The following HNF4A variants were observed in gnomAD, a reference collection of about 807,000 sequenced individuals.
HNF4A encodes hepatocyte nuclear factor 4 alpha, also known as hepatocyte nuclear factor 4-alpha.
In HNF4A, 15 loss-of-function variants were observed where a neutral mutation model predicts 52.4. The observed-to-expected ratio is 0.29, with a 90% CI of 0.19 to 0.44. The LOEUF (loss-of-function observed/expected upper bound fraction) is 0.44, where lower values mean the gene tolerates loss of function less well. Ranked by LOEUF, HNF4A falls within the 20% of genes least tolerant of loss-of-function variation. The probability of loss-of-function intolerance (pLI) is 1.00; values close to 1 mark genes in which losing one functional copy is unlikely to be tolerated. For synonymous variants in HNF4A, 280 were observed against 264.4 expected (o/e 1.06, Z -0.57); for missense variants, 479 against 647.2 (o/e 0.74, Z 2.82).
chr20:44,418,285 GT>G, intron 5 of HNF4A, 139 bp from the exon 6 acceptor site: 1 of 772,590 alleles, frequency 1.3e-6, no homozygotes, highest in South Asian at 1.4e-5. Flanking sequence ...ATGGGTAGTA[GT>G]TTTATGATGC....
At chr20:44,358,291 G>C (rs1010047059) in intron 1 of HNF4A, among the ~76,000 whole-genome samples, 40 of 150,340 alleles carry the variant, frequency 2.7e-4, no homozygotes, top group African/African-American at 9.3e-4. Context: ...TCTGAGAAAA[G>C]AAACAAGTGC....
At position 44,367,335 on chromosome 20, in the gene HNF4A, C is replaced by CAA. The variant is rs1211796695; in HGVS notation, c.49+11499_49+11500dup. ...GGGCAACAAAAGCGAAACTCTGTCT[C>CAA]AAAAAAAAAAAAAAAAAATTAACTT... On this transcript the variant is annotated intron_variant, in intron 1 of 9. Coordinates refer to the HNF4A transcript ENST00000316673. Among the ~76,000 whole-genome samples, 449 of 80,458 alleles carry CAA rather than the reference C, an allele frequency of 5.6e-3. 4 individuals carry two copies. Among genetic ancestry groups the CAA allele is most frequent in the African/African-American group, 0.019 (423 of 22,084 alleles). The allele number at this position is 80,458 out of a possible 152,430, so 52.8% of individuals were successfully genotyped here. A position where few individuals can be genotyped will look rare whatever the true frequency, so the allele number is the denominator to read the frequency against.
intron 1 of HNF4A, among the ~76,000 whole-genome samples, chr20:44,393,312 G>A (rs1178857105): frequency 6.6e-6 from 1 of 152,246 alleles, no homozygotes; most frequent in Non-Finnish European, 1.5e-5. Flanking sequence ...GGCAGCCTGC[G>A]GAGAAGCTCC....
intron 1 of HNF4A, among the ~76,000 whole-genome samples, chr20:44,396,120 A>G (rs1180471513): frequency 6.6e-6 from 1 of 152,142 alleles, no homozygotes; most frequent in Non-Finnish European, 1.5e-5. Context: ...TAGAGGGGTG[A>G]AGCCCTCAAG....
At chr20:44,407,866 A>G (rs186142800) in intron 3 of HNF4A, among the ~76,000 whole-genome samples, 17 of 152,038 alleles carry the variant, frequency 1.1e-4, no homozygotes, top group East Asian at 1.9e-4. Flanking sequence ...CACTATCCCA[A>G]CTTTACAAAA....
Position 44,407,375 on chromosome 20 carries a change from C to T in HNF4A, c.291-6C>T. Reference sequence around the variant, plus strand: ...TCTCCATCCAACCATCCAAAGCCCTCCCCAGATTTAGCCGGCAGTGCGTGG... The same window carrying T: ...TCTCCATCCAACCATCCAAAGCCCTTCCCAGATTTAGCCGGCAGTGCGTGG... On this transcript the variant is annotated splice_region_variant and splice_polypyrimidine_tract_variant and intron_variant, in intron 2 of 9. Coordinates refer to ENST00000316099, the MANE Select transcript of HNF4A (RefSeq NM_000457.6). 6.2e-7 allele frequency: 1 copy of T among 1,606,492 alleles called. No individual in the cohort carries two copies. Among genetic ancestry groups the T allele is most frequent in the East Asian group, 2.2e-5 (1 of 44,692 alleles).
intron 5 of HNF4A, among the ~76,000 whole-genome samples, chr20:44,417,533 A>G (rs950681570): frequency 3.9e-5 from 6 of 152,166 alleles, no homozygotes; most frequent in African/African-American, 1.4e-4. Context: ...GGAGTCCTGC[A>G]ATGTCGATCC....
At chr20:44,362,245 C>A (rs1261095012) in intron 1 of HNF4A, among the ~76,000 whole-genome samples, 1 of 151,862 alleles carries the variant, frequency 6.6e-6, no homozygotes, top group Non-Finnish European at 1.5e-5. Context: ...CATGGTGAAA[C>A]CCTGTCTCTA....
At chr20:44,425,523 T>C (rs2063804757) in intron 8 of HNF4A, among the ~76,000 whole-genome samples, 1 of 152,160 alleles carries the variant, frequency 6.6e-6, no homozygotes, top group Non-Finnish European at 1.5e-5. Flanking sequence ...ACATTTTTGC[T>C]TTGAGTAGCA....
At position 44,415,241 on chromosome 20, in the gene HNF4A, A is replaced by G. The variant is rs186948228; in HGVS notation, c.648+579A>G. 2.0e-3 allele frequency among the ~76,000 whole-genome samples: 310 copies of G among 152,272 alleles called. 1 individual carries two copies. Among genetic ancestry groups the G allele is most frequent in the Non-Finnish European group, 3.5e-3 (241 of 68,020 alleles). On this transcript the variant is annotated intron_variant, in intron 5 of 9. Transcript: ENST00000316099. ...ACATTGGTGTCTGAAAAGTACAAAA[A>G]TCAGGTGATGGGGCAAGCTGCACAG...
At chr20:44,363,360 G>A (rs979946884) in intron 1 of HNF4A, among the ~76,000 whole-genome samples, 8 of 152,284 alleles carry the variant, frequency 5.3e-5, no homozygotes, top group African/African-American at 7.2e-5. Context: ...AGGACTGGAT[G>A]CTTACTAGGT....
rs770532574 is a variant in HNF4A at position 44,413,758 on chromosome 20, C to G, written c.450C>G (p.Pro150=). The G allele has an allele frequency of 1.2e-6, 2 of 1,613,928 alleles. No individual in the cohort carries two copies. The highest frequency in any genetic ancestry group is 1.7e-6 in the Non-Finnish European group (2 of 1,179,932). ...CAAGCTATGAGGACAGCAGCCTGCC[C>G]TCCATCAATGCGCTCCTGCAGGCGG... Residue 150 remains proline, a synonymous_variant, in exon 4 of 10, where the codon CCC becomes CCG. Transcript: ENST00000316099.
intron 7 of HNF4A, among the ~76,000 whole-genome samples, chr20:44,422,987 T>C (rs576426689): frequency 2.0e-5 from 3 of 152,166 alleles, no homozygotes; most frequent in African/African-American, 7.2e-5. Context: ...CCCTATTCAA[T>C]AAATATTGAC....
chr20:44,404,221 T>A (rs1156409979), intron 1 of HNF4A, among the ~76,000 whole-genome samples: 3 of 152,170 alleles, frequency 2.0e-5, no homozygotes, highest in Non-Finnish European at 4.4e-5. Flanking sequence ...CATATGAGAA[T>A]TCACCGAATC....
chr20:44,422,948 G>T (rs2063767207), intron 7 of HNF4A, among the ~76,000 whole-genome samples: 1 of 152,014 alleles, frequency 6.6e-6, no homozygotes, highest in Admixed American at 6.6e-5. Context: ...GACAGTGCTG[G>T]GCTTACAGGC....
At chr20:44,355,795 G>A in exon 1 of HNF4A, 1 of 1,613,532 alleles carries the variant, frequency 6.2e-7, no homozygotes, top group Non-Finnish European at 8.5e-7. Flanking sequence ...CCGGCTGGGT[G>A]GGCTTGGCCA....
At chr20:44,364,630 C>T (rs1259885911) in intron 1 of HNF4A, among the ~76,000 whole-genome samples, 2 of 152,018 alleles carry the variant, frequency 1.3e-5, no homozygotes, top group Non-Finnish European at 2.9e-5. Context: ...CCACCGCGGC[C>T]AGCTACTTTT....
chr20:44,375,502 T>G (rs1325205979), intron 1 of HNF4A, among the ~76,000 whole-genome samples: 1 of 151,994 alleles, frequency 6.6e-6, no homozygotes, highest in Non-Finnish European at 1.5e-5. Flanking sequence ...TTTGTTTTTT[T>G]TTTTTGAGAC....
intron 1 of HNF4A, among the ~76,000 whole-genome samples, chr20:44,379,312 C>T (rs975739718): frequency 2.0e-5 from 3 of 152,000 alleles, no homozygotes; most frequent in Non-Finnish European, 2.9e-5. Context: ...GGTATATACT[C>T]GGGAGTACAA....
Sources: allele counts gnomAD v4.1 joint callset (sites outside exome capture counted in the v4.1 genomes callset), GRCh38; gene constraint gnomAD v4.1.1; transcripts MANE v1.5; gene names NCBI Gene and HGNC (gene_info 2026-07-23, HGNC 2026-07-21).